The following FBXO32 variants were observed in gnomAD, a reference collection of about 807,000 sequenced individuals.
The protein encoded by FBXO32 is F-box protein 32, also known as F-box only protein 32.
A neutral mutation model predicts 48.3 loss-of-function variants in FBXO32; 15 were observed. That is an observed-to-expected ratio of 0.31 (90% CI 0.21 to 0.48). The LOEUF is 0.48. Ranked by LOEUF, FBXO32 falls within the 20% of genes least tolerant of loss-of-function variation. FBXO32 has a pLI of 0.99. For synonymous variants in FBXO32, 154 were observed against 165.9 expected (o/e 0.93, Z 0.55); for missense variants, 309 against 432.7 (o/e 0.71, Z 2.54).
rs562900631 is a variant in FBXO32, at chr8:123,505,557, G to A, written c.835-810C>T. Among the ~76,000 whole-genome samples, 32 of 152,294 alleles carry A rather than the reference G, an allele frequency of 2.1e-4. 1 individual carries two copies. Among genetic ancestry groups the A allele is most frequent in the African/African-American group, 6.5e-4 (27 of 41,552 alleles). Reference sequence around the variant, plus strand: ...TCAAGACCAGCCTGGCCAACGTGGTGAAACCCTGTCTCTACTAAAAATACA... The same window carrying A: ...TCAAGACCAGCCTGGCCAACGTGGTAAAACCCTGTCTCTACTAAAAATACA... On this transcript the variant is annotated intron_variant, in intron 7 of 8. Coordinates refer to ENST00000517956, the MANE Select transcript of FBXO32 (RefSeq NM_058229.4).
intron 6 of FBXO32, among the ~76,000 whole-genome samples, chr8:123,512,012 C>T (rs1816744937): frequency 6.6e-6 from 1 of 152,096 alleles, no homozygotes. Context: ...AGACTATCTG[C>T]CTACACTTGA....
At position 123,498,037 on chromosome 8, in the gene FBXO32, T is replaced by A. The variant is rs939756607; in HGVS notation, c.*5336A>T. On this transcript the variant is annotated 3_prime_UTR_variant, in exon 9 of 9. Coordinates refer to ENST00000517956, the MANE Select transcript of FBXO32 (RefSeq NM_058229.4). ...ATACAGAAGGACTCAGCTCACACAA[T>A]ATTAAATAAACATCTCTGCATGTAA... 5.9e-5 allele frequency: 9 copies of A among 152,212 alleles called. No individual in the cohort carries two copies. Among genetic ancestry groups the A allele is most frequent in the Non-Finnish European group, 7.3e-5 (5 of 68,038 alleles). 9.4% of individuals were successfully genotyped at this position (152,212 alleles called of 1,614,324 possible).
chr8:123,520,067 C>A (rs545315955), intron 4 of FBXO32, among the ~76,000 whole-genome samples: 3 of 152,138 alleles, frequency 2.0e-5, no homozygotes, highest in Non-Finnish European at 4.4e-5. Flanking sequence ...GGATTACAGG[C>A]GTAAGCCATC....
rs1816530044 is a variant in FBXO32, at chr8:123,503,066, A to G, written c.*307T>C. On this transcript the variant is annotated 3_prime_UTR_variant, in exon 9 of 9. Coordinates refer to ENST00000517956, the MANE Select transcript of FBXO32 (RefSeq NM_058229.4). The stretch of plus-strand genomic sequence containing the variant: ...TATAAGAGAGTTTCTGTGACCATTA[A>G]GAGGACTCCATTTTCACCGCTGAAA... 4.8e-6 allele frequency: 1 copy of G among 208,126 alleles called. No homozygotes were observed. Among genetic ancestry groups the G allele is most frequent in the South Asian group, 1.2e-4 (1 of 8,386 alleles). The allele number at this position is 208,126 out of a possible 1,614,324, so 12.9% of individuals were successfully genotyped here. A position where few individuals can be genotyped will look rare whatever the true frequency, so the allele number is the denominator to read the frequency against.
intron 6 of FBXO32, among the ~76,000 whole-genome samples, chr8:123,508,415 T>C (rs1267483448): frequency 6.6e-6 from 1 of 152,008 alleles, no homozygotes; most frequent in East Asian, 1.9e-4. Flanking sequence ...GGGAGCAACA[T>C]GGATGGACAG....
rs551015582 is a variant in FBXO32, at chr8:123,513,419, T to C, written c.467-37A>G. The C allele has an allele frequency of 6.5e-7, 1 of 1,545,160 alleles. No individual in the cohort carries two copies. Among genetic ancestry groups the C allele is most frequent in the Admixed American group, 1.7e-5 (1 of 58,098 alleles). On this transcript the variant is annotated intron_variant, in intron 5 of 8. Coordinates refer to ENST00000517956, the MANE Select transcript of FBXO32 (RefSeq NM_058229.4). The surrounding 1 kb of genome is among the most constrained non-coding windows in gnomAD (Gnocchi z 4.3). ...AAGAAAAAAATAATTAAAGTTATGA[T>C]ACTGGAACACCCTGTATTTTACACA...
rs1419364847 is a variant in FBXO32, at chr8:123,501,591, A to C, written c.*1782T>G. On this transcript the variant is annotated 3_prime_UTR_variant, in exon 9 of 9. Transcript: ENST00000517956. ...AACATTGCAAAGTGAGGAGCACTAA[A>C]CAGTAGGTTCCTTCTCTTCAGAAAG... 1 of 152,202 alleles carries C rather than the reference A, an allele frequency of 6.6e-6. No homozygotes were observed. Among genetic ancestry groups the C allele is most frequent in the African/African-American group, 2.4e-5 (1 of 41,450 alleles). The allele number at this position is 152,202 out of a possible 1,614,324, so 9.4% of individuals were successfully genotyped here. A position where few individuals can be genotyped will look rare whatever the true frequency, so the allele number is the denominator to read the frequency against.
rs897406234 is a variant in FBXO32 at position 123,506,398 on chromosome 8, C to T, written c.828G>A (p.Glu276=). The change falls in exon 7 of 9, where the codon GAG becomes GAA. Residue 276 remains glutamate (E), a synonymous_variant. Transcript: ENST00000517956. The surrounding 1 kb of genome is among the most constrained non-coding windows in gnomAD (Gnocchi z 4.0). ...WKKLCQYHFS[E]RQIRKRLILS... is the part of the protein sequence containing the mutation. ...CCCACTGGGCCTTGCTGACCTGCCG[C>T]TCGGAGAAGTGGTACTGGCAGAGTT... 6.2e-7 allele frequency: 1 copy of T among 1,613,646 alleles called. No individual in the cohort carries two copies. The highest frequency in any genetic ancestry group is 8.5e-7 in the Non-Finnish European group (1 of 1,179,976).
chr8:123,518,804 T>G (rs1340304233), intron 4 of FBXO32, among the ~76,000 whole-genome samples: 1 of 152,084 alleles, frequency 6.6e-6, no homozygotes, highest in Non-Finnish European at 1.5e-5. Context: ...AGCCCAGATA[T>G]GTCTAACAGA....
At chr8:123,533,123 T>C (rs1817242644) in intron 3 of FBXO32, 68 bp downstream of exon 3, 3 of 1,210,770 alleles carry the variant, frequency 2.5e-6, no homozygotes, top group East Asian at 2.3e-5. Flanking sequence ...CTCCCTACCA[T>C]ATCCCTCCCT....
chr8:123,508,718 T>G (rs1202399783), intron 6 of FBXO32, among the ~76,000 whole-genome samples: 1 of 152,218 alleles, frequency 6.6e-6, no homozygotes, highest in Non-Finnish European at 1.5e-5. Context: ...CTAATAAAAC[T>G]GCCATGAGAT....
intron 4 of FBXO32, among the ~76,000 whole-genome samples, chr8:123,530,052 G>A (rs1817165408): frequency 6.6e-6 from 1 of 152,156 alleles, no homozygotes; most frequent in Non-Finnish European, 1.5e-5. Context: ...GGAGGACTAG[G>A]TGACCTCCGT....
In FBXO32 at chr8:123,506,297, G is replaced by T; in HGVS notation, c.834+95C>A. On this transcript the variant is annotated intron_variant, in intron 7 of 8. Transcript: ENST00000517956. This position sits in a 1 kb window ranked among gnomAD's most constrained non-coding sequence, Gnocchi z 4.0. ...CAAACCAGGGAACCTGGAATAGGGG[G>T]AACCCAGACCTCAGGCTTGAGCAGG... 1 of 1,355,544 alleles carries T rather than the reference G, an allele frequency of 7.4e-7. No homozygotes were observed. Among genetic ancestry groups the T allele is most frequent in the Non-Finnish European group, 1.0e-6 (1 of 972,270 alleles). 84.0% of individuals were successfully genotyped at this position (1,355,544 alleles called of 1,614,324 possible).
At chr8:123,527,472 G>A (rs1415930809) in intron 4 of FBXO32, among the ~76,000 whole-genome samples, 2 of 152,148 alleles carry the variant, frequency 1.3e-5, no homozygotes, top group African/African-American at 4.8e-5. Context: ...CAGGGGAACG[G>A]GGCAGTTGTT....
chr8:123,524,693 T>G (rs1166823234), intron 4 of FBXO32, among the ~76,000 whole-genome samples: 2 of 152,174 alleles, frequency 1.3e-5, no homozygotes, highest in Non-Finnish European at 2.9e-5. Context: ...AATTTTTGTA[T>G]TTTTAGTAGA....
In FBXO32 at chr8:123,529,407, G is replaced by A. The variant is rs141001979; in HGVS notation, c.372+2491C>T. On this transcript the variant is annotated intron_variant, in intron 4 of 8. Transcript: ENST00000517956. ...TAAGTGGGTAACAGTAAACATTAGC[G>A]GCTGACTTTGCACAGCAGATAGATT... Among the ~76,000 whole-genome samples, 48 of 152,292 alleles carry A rather than the reference G, an allele frequency of 3.2e-4. No homozygotes were observed. The East Asian group carries it at 7.7e-3, about 24-fold the overall frequency.
chr8:123,506,626 C>T lies in FBXO32; in HGVS notation c.652-52G>A, dbSNP rs1266950495. 31 of 1,460,684 alleles carry T rather than the reference C, an allele frequency of 2.1e-5. No individual in the cohort carries two copies. Among genetic ancestry groups the T allele is most frequent in the Non-Finnish European group, 2.8e-5 (30 of 1,069,878 alleles). The allele number at this position is 1,460,684 out of a possible 1,614,324, so 90.5% of individuals were successfully genotyped here. A position where few individuals can be genotyped will look rare whatever the true frequency, so the allele number is the denominator to read the frequency against. ...GGGGGGGCCAGAGAGCAGCGATTCA[C>T]CAGGCCACACCCTCCAGGCATGCAG... On this transcript the variant is annotated intron_variant, in intron 6 of 8. Coordinates refer to ENST00000517956, the MANE Select transcript of FBXO32 (RefSeq NM_058229.4). This position sits in a 1 kb window ranked among gnomAD's most constrained non-coding sequence, Gnocchi z 4.0.
rs199715089 is a variant in FBXO32, at chr8:123,533,488, A to AT, written c.230-249dup. Among the ~76,000 whole-genome samples, 903 of 151,692 alleles carry AT rather than the reference A, an allele frequency of 6.0e-3. 4 individuals are homozygous for AT. Among genetic ancestry groups the AT allele is most frequent in the African/African-American group, 0.019 (792 of 41,394 alleles). On this transcript the variant is annotated intron_variant, in intron 2 of 8. Transcript: ENST00000517956. ...ATATACCAAAGCTCCAAACTACTAT[A>AT]TTTTTTTTTCTAAAGCATTATGCCA...
chr8:123,509,467 A>C (rs938413705), intron 6 of FBXO32, among the ~76,000 whole-genome samples: 1 of 152,080 alleles, frequency 6.6e-6, no homozygotes. Flanking sequence ...TGGGAGGCTG[A>C]AGCGGGAGGA....
Sources: allele counts gnomAD v4.1 joint callset (sites outside exome capture counted in the v4.1 genomes callset), GRCh38; gene constraint gnomAD v4.1.1; non-coding constraint Gnocchi (gnomAD v3.1); transcripts MANE v1.5; gene names NCBI Gene and HGNC (gene_info 2026-07-23, HGNC 2026-07-21).